The following MAX variants were observed in gnomAD, a reference collection of about 807,000 sequenced individuals.
The protein encoded by MAX is MYC associated transcriptional regulator X.
Under a neutral mutation model 22.3 loss-of-function variants are expected in MAX, and 3 were observed. The ratio of observed to expected loss-of-function variants is 0.13; its 90% CI spans 0.06 to 0.35. The LOEUF is 0.35. Ranked by LOEUF, MAX falls within the 10% of genes least tolerant of loss-of-function variation. The probability of loss-of-function intolerance (pLI) is 1.00; values close to 1 mark genes in which losing one functional copy is unlikely to be tolerated. For missense variants in MAX, 119 were observed against 209.4 expected (o/e 0.57, Z 2.66); for synonymous variants, 72 against 77.7 (o/e 0.93, Z 0.39).
chr14:65,095,391 G>A (rs1191750686), intron 2 of MAX, among the ~76,000 whole-genome samples: 4 of 152,208 alleles, frequency 2.6e-5, no homozygotes, highest in Admixed American at 2.6e-4. Context: ...AAGCTGAGAG[G>A]ACAGTCAAGT....
intron 2 of MAX, among the ~76,000 whole-genome samples, chr14:65,096,415 C>T (rs2139914412): frequency 6.6e-6 from 1 of 152,292 alleles, no homozygotes; most frequent in South Asian, 2.1e-4. Flanking sequence ...TAAATGTTAT[C>T]ACTAATGTTT....
In MAX at chr14:65,044,142, A is replaced by G. The variant is rs577948290; in HGVS notation, c.172-37858T>C. 3.9e-5 allele frequency among the ~76,000 whole-genome samples: 6 copies of G among 152,256 alleles called. No individual in the cohort carries two copies. Among genetic ancestry groups the G allele is most frequent in the South Asian group, 2.1e-4 (1 of 4,830 alleles). On this transcript the variant is annotated intron_variant, in intron 3 of 3. Transcript: ENST00000341653. The surrounding 1 kb of genome is among the most constrained non-coding windows in gnomAD (Gnocchi z 5.5). ...GGCTTAAATGCTTCACTCTGTGTCTATGGCAGTGTGGGGAGGGAAGGAAAG... is the reference window on the plus strand; with the variant it reads ...GGCTTAAATGCTTCACTCTGTGTCTGTGGCAGTGTGGGGAGGGAAGGAAAG...
rs1326072989 is a variant in MAX, at chr14:65,012,419, TCAAATTATCCAC to T, written c.172-6147_172-6136del. Reference sequence around the variant, plus strand: ...ACACATTACCCAGGAACTCTTGCTGTCAAATTATCCACCAAATCCTCCTCCTTTTTCTATTTA... The same window carrying T: ...ACACATTACCCAGGAACTCTTGCTGTCAAATCCTCCTCCTTTTTCTATTTA... On this transcript the variant is annotated intron_variant, in intron 3 of 3. Transcript: ENST00000341653. This position sits in a 1 kb window ranked among gnomAD's most constrained non-coding sequence, Gnocchi z 5.0. The T allele has an allele frequency of 6.2e-7, 1 of 1,613,448 alleles. No individual in the cohort carries two copies. Among genetic ancestry groups the T allele is most frequent in the Non-Finnish European group, 8.5e-7 (1 of 1,179,538 alleles).
At chr14:65,067,366 A>C (rs7145112) in intron 3 of MAX, among the ~76,000 whole-genome samples, 75,600 of 151,890 alleles carry the variant, frequency 0.5, 21,230 homozygotes, top group African/African-American at 0.78. Flanking sequence ...ACATTACTAA[A>C]GAAAGTCCAT....
rs1017236246 is a variant in MAX, at chr14:65,088,579, G to A, written c.171+5129C>T. Among the ~76,000 whole-genome samples the A allele has an allele frequency of 3.3e-5, 5 of 152,256 alleles. No homozygotes were observed. The highest frequency in any genetic ancestry group is 5.9e-5 in the Non-Finnish European group (4 of 68,022). ...AGATATGCTATAGACATAGGTTACC[G>A]AATGAACTGTCAGCCTTAAACGCAT... On this transcript the variant is annotated intron_variant, in intron 3 of 4. Coordinates refer to ENST00000358664, the MANE Select transcript of MAX (RefSeq NM_002382.5). This position sits in a 1 kb window ranked among gnomAD's most constrained non-coding sequence, Gnocchi z 5.2.
rs765818642 is a variant in MAX at position 65,049,727 on chromosome 14, A to G, written c.172-43443T>C. 2.2e-4 allele frequency among the ~76,000 whole-genome samples: 33 copies of G among 152,204 alleles called. 1 individual carries two copies. Among genetic ancestry groups the G allele is most frequent in the African/African-American group, 7.5e-4 (31 of 41,466 alleles). On this transcript the variant is annotated intron_variant, in intron 3 of 3. Transcript: ENST00000341653. ...TTATTTGTTATAGGATATGAAATAT[A>G]TGTACATTTTGTACAGATGTGTAAT...
At chr14:65,091,694 C>T (rs1367701525) in intron 3 of MAX, among the ~76,000 whole-genome samples, 1 of 152,224 alleles carries the variant, frequency 6.6e-6, no homozygotes, top group East Asian at 1.9e-4. Flanking sequence ...TTGTTCAAAG[C>T]TTTGCTAAAA....
chr14:65,053,623 T>C lies in MAX; in HGVS notation c.171+40085A>G, dbSNP rs190002523. ...TTGCTGGGTAGATAACTCTTCTTTTTTTTAAAAAAAACAAAAAAAAACTGA... is the reference window on the plus strand; with the variant it reads ...TTGCTGGGTAGATAACTCTTCTTTTCTTTAAAAAAAACAAAAAAAAACTGA... On this transcript the variant is annotated intron_variant, in intron 3 of 3. Coordinates refer to the MAX transcript ENST00000341653. 9.7e-3 allele frequency among the ~76,000 whole-genome samples: 1,170 copies of C among 120,068 alleles called. 10 individuals carry two copies. The highest frequency in any genetic ancestry group is 0.013 in the Non-Finnish European group (796 of 63,232). The allele number at this position is 120,068 out of a possible 152,430, so 78.8% of individuals were successfully genotyped here.
intron 3 of MAX, among the ~76,000 whole-genome samples, chr14:65,056,628 C>T (rs1463849317): frequency 6.6e-6 from 1 of 152,136 alleles, no homozygotes; most frequent in African/African-American, 2.4e-5. Flanking sequence ...TTGTCTTCTG[C>T]GAATTGTCTG....
At chr14:65,051,316 T>C (rs2062603111) in intron 3 of MAX, among the ~76,000 whole-genome samples, 1 of 152,230 alleles carries the variant, frequency 6.6e-6, no homozygotes. Flanking sequence ...GTTTGAAATA[T>C]TCAACAATTT....
chr14:65,006,236 A>C (rs764702387), exon 4 of MAX: 4 of 1,613,504 alleles, frequency 2.5e-6, no homozygotes, highest in Non-Finnish European at 3.4e-6. Flanking sequence ...GGAAAAGGCA[A>C]GTGTTCATAA....
intron 3 of MAX, among the ~76,000 whole-genome samples, chr14:65,059,185 G>C (rs2062807638): frequency 6.6e-6 from 1 of 152,026 alleles, no homozygotes; most frequent in Non-Finnish European, 1.5e-5. Context: ...ACCAGAACCT[G>C]CTAATTTTTA....
Position 65,077,728 on chromosome 14 carries a change from C to A in MAX, c.295+185G>T, listed in dbSNP as rs2063096982. On this transcript the variant is annotated intron_variant, in intron 4 of 4. Coordinates refer to ENST00000358664, the MANE Select transcript of MAX (RefSeq NM_002382.5). The surrounding 1 kb of genome is among the most constrained non-coding windows in gnomAD (Gnocchi z 6.3). ...CTTCCTAGCTTCCACTGTCTCCTCA[C>A]TGGCGCCTCAGGTCCTTCCTCAGGA... 6.3e-7 allele frequency: 1 copy of A among 1,598,190 alleles called. No homozygotes were observed. Among genetic ancestry groups the A allele is most frequent in the African/African-American group, 1.3e-5 (1 of 74,578 alleles).
intron 2 of MAX, among the ~76,000 whole-genome samples, chr14:65,096,426 T>C (rs1366123318): frequency 1.3e-5 from 2 of 152,218 alleles, no homozygotes; most frequent in Non-Finnish European, 2.9e-5. Flanking sequence ...ACTAATGTTT[T>C]GAAAGAGCAC....
Position 65,012,573 on chromosome 14 carries a change from T to A in MAX, c.172-6289A>T, listed in dbSNP as rs898194858. ...GACTCAGCCCTGAAAGGGCAGAACC[T>A]AGTCTCTTCCAGAGTGAGTGGAGCA... On this transcript the variant is annotated intron_variant, in intron 3 of 3. Coordinates refer to the MAX transcript ENST00000341653. This position sits in a 1 kb window ranked among gnomAD's most constrained non-coding sequence, Gnocchi z 5.0. Among the ~76,000 whole-genome samples the A allele has an allele frequency of 6.6e-6, 1 of 152,232 alleles. No individual in the cohort carries two copies. Among genetic ancestry groups the A allele is most frequent in the East Asian group, 1.9e-4 (1 of 5,192 alleles).
chr14:65,085,862 G>A (rs2063320498), intron 3 of MAX, among the ~76,000 whole-genome samples: 1 of 152,136 alleles, frequency 6.6e-6, no homozygotes. Flanking sequence ...GATAAGCTGA[G>A]AATGAAATTC....
chr14:65,054,535 G>T lies in MAX; in HGVS notation c.171+39173C>A. On this transcript the variant is annotated intron_variant, in intron 3 of 3. Transcript: ENST00000341653. The surrounding 1 kb of genome is among the most constrained non-coding windows in gnomAD (Gnocchi z 4.4). ...GTGGCTACATTTGTAGATGTGTGCG[G>T]AGCAGAGGAGCGCCTGCTCAGAGCT... is the stretch of plus-strand genomic sequence containing the variant. The T allele has an allele frequency of 6.3e-7, 1 of 1,587,668 alleles. No individual in the cohort carries two copies.
In MAX at chr14:65,078,533, GTTTTT is replaced by G. The variant is rs1157935028; in HGVS notation, c.172-502_172-498del. ...GCCTGTTGTTGTTGTTGTTGTTGTT[GTTTTT>G]TTTTTTTTGGAGACGTAGTCTCGCT... On this transcript the variant is annotated intron_variant, in intron 3 of 4. Coordinates refer to ENST00000358664, the MANE Select transcript of MAX (RefSeq NM_002382.5). This position sits in a 1 kb window ranked among gnomAD's most constrained non-coding sequence, Gnocchi z 6.4. Among the ~76,000 whole-genome samples the G allele has an allele frequency of 7.3e-6, 1 of 136,198 alleles. No homozygotes were observed. The highest frequency in any genetic ancestry group is 1.6e-5 in the Non-Finnish European group (1 of 63,312). 89.4% of individuals were successfully genotyped at this position (136,198 alleles called of 152,430 possible).
intron 3 of MAX, among the ~76,000 whole-genome samples, chr14:65,086,582 G>A (rs2063338977): frequency 6.6e-6 from 1 of 152,174 alleles, no homozygotes; most frequent in Non-Finnish European, 1.5e-5. Context: ...AGAGATAAGT[G>A]GAACTTTGAA....
Sources: allele counts gnomAD v4.1 joint callset (sites outside exome capture counted in the v4.1 genomes callset), GRCh38; gene constraint gnomAD v4.1.1; non-coding constraint Gnocchi (gnomAD v3.1); transcripts MANE v1.5; gene names NCBI Gene and HGNC (gene_info 2026-07-23, HGNC 2026-07-21).